The following ZWILCH variants were observed in gnomAD, a reference collection of about 807,000 sequenced individuals.
ZWILCH encodes zwilch kinetochore protein.
In ZWILCH, 74 loss-of-function variants were observed where a neutral mutation model predicts 79.9. The observed-to-expected ratio is 0.93, with a 90% confidence interval of 0.77 to 1.12. ZWILCH has a LOEUF of 1.12. Ranked by LOEUF, ZWILCH falls within the 50% of genes most tolerant of loss-of-function variation. ZWILCH has a pLI of 0.00. For missense variants in ZWILCH, 694 were observed against 687.5 expected, an observed-to-expected ratio of 1.01 and a Z score of -0.11; for synonymous variants, 241 against 228.2, an observed-to-expected ratio of 1.06 and a Z score of -0.51.
At chr15:66,524,697 G>C (rs1894613150) in intron 8 of ZWILCH, among the ~76,000 whole-genome samples, 1 of 152,010 alleles carries the variant, frequency 6.6e-6, no homozygotes, top group Non-Finnish European at 1.5e-5. Context: ...TGAGTGCCTG[G>C]TTCCCTATTG....
At chr15:66,541,869 T>G (rs1289410836) in intron 17 of ZWILCH, among the ~76,000 whole-genome samples, 2 of 152,344 alleles carry the variant, frequency 1.3e-5, no homozygotes, top group South Asian at 2.1e-4. Flanking sequence ...TTTTACTGAT[T>G]AATAACTTGC....
At chr15:66,506,090 A>G (rs1285781055) in intron 1 of ZWILCH, among the ~76,000 whole-genome samples, 1 of 152,228 alleles carries the variant, frequency 6.6e-6, no homozygotes, top group East Asian at 1.9e-4. Flanking sequence ...CCCTCCTGAT[A>G]AATGCTAGGT....
chr15:66,527,483 A>ATCTCAT, intron 9 of ZWILCH, 100 bp downstream of exon 9: 2 of 951,524 alleles, frequency 2.1e-6, no homozygotes, highest in Non-Finnish European at 3.3e-6. Flanking sequence ...AATATATACA[A>ATCTCAT]AGCTATGAGA....
At chr15:66,507,954 A>AG (rs1893891435) in intron 1 of ZWILCH, among the ~76,000 whole-genome samples, 2 of 151,672 alleles carry the variant, frequency 1.3e-5, no homozygotes, top group South Asian at 4.1e-4. Context: ...AAAAAAAAAA[A>AG]AGACTGATTA....
At chr15:66,506,861 C>CT (rs545920806) in intron 1 of ZWILCH, among the ~76,000 whole-genome samples, 2,248 of 140,210 alleles carry the variant, frequency 0.016, 48 homozygotes, top group African/African-American at 0.043. Context: ...TATTTAGACC[C>CT]TTTTTTTTTT....
At chr15:66,544,724 T>TTTTTTTTTTGTGTGTGTGTGTG (rs145952622) in intron 17 of ZWILCH, among the ~76,000 whole-genome samples, 68 of 128,536 alleles carry the variant, frequency 5.3e-4, no homozygotes, top group Admixed American at 4.1e-3. Flanking sequence ...TTTTTGGTTT[T>TTTTTTTTTTGTGTGTGTGTGTG]TGTGTGTGTG....
At chr15:66,533,129 A>G in intron 14 of ZWILCH, 116 bp downstream of exon 14, 1 of 610,754 alleles carries the variant, frequency 1.6e-6, no homozygotes, top group Non-Finnish European at 2.6e-6. Context: ...AAATGGATAA[A>G]TAAGACAGTC....
chr15:66,546,767 G>A, intron 18 of ZWILCH, 62 bp downstream of exon 18: 1 of 835,902 alleles, frequency 1.2e-6, no homozygotes, highest in Non-Finnish European at 1.8e-6. Context: ...CTTACGTTTA[G>A]TTCTTTCTAC....
At chr15:66,545,061 A>G (rs1895327593) in intron 17 of ZWILCH, among the ~76,000 whole-genome samples, 1 of 151,846 alleles carries the variant, frequency 6.6e-6, no homozygotes, top group Non-Finnish European at 1.5e-5. Context: ...GCCATTTTAA[A>G]GTAAATTTTG....
chr15:66,506,949 C>T (rs1268427070), intron 1 of ZWILCH, among the ~76,000 whole-genome samples: 18 of 151,856 alleles, frequency 1.2e-4, no homozygotes, highest in African/African-American at 4.1e-4. Flanking sequence ...CTCTGCCTCC[C>T]GGGCTCAAGC....
intron 2 of ZWILCH, among the ~76,000 whole-genome samples, chr15:66,509,592 A>G (rs981676285): frequency 2.0e-5 from 3 of 151,916 alleles, no homozygotes; most frequent in Admixed American, 6.6e-5. Flanking sequence ...GGTTTTTTCC[A>G]GTTTTTGATG....
In ZWILCH at chr15:66,520,253, T is replaced by A. The variant is rs539853057; in HGVS notation, c.521-337T>A. Among the ~76,000 whole-genome samples, 323 of 151,894 alleles carry A rather than the reference T, an allele frequency of 2.1e-3. 1 individual carries two copies. The highest frequency in any genetic ancestry group is 7.1e-3 in the African/African-American group (292 of 41,402). The stretch of plus-strand genomic sequence containing the variant: ...CTCTCACCGCAGCCTCCCAAATAGC[T>A]GGGACTACAGGCACATGCCACCACA... On this transcript the variant is annotated intron_variant, in intron 5 of 18. Transcript: ENST00000307897.
chr15:66,520,504 T>G, intron 5 of ZWILCH, 86 bp from the exon 6 acceptor site: 3 of 707,832 alleles, frequency 4.2e-6, no homozygotes, highest in Non-Finnish European at 7.5e-6. Flanking sequence ...TGTGGTACAT[T>G]GAGAATGTGA....
intron 17 of ZWILCH, among the ~76,000 whole-genome samples, chr15:66,542,019 A>T (rs1595923319): frequency 6.6e-6 from 1 of 152,330 alleles, no homozygotes; most frequent in East Asian, 1.9e-4. Context: ...AATTTTTCTG[A>T]GAGCCATCAG....
Position 66,540,200 on chromosome 15 carries a change from T to C in ZWILCH, c.1677T>C (p.Phe559=). The change falls in exon 17 of 19, where the codon TTT becomes TTC. Residue 559 remains phenylalanine, a synonymous_variant. Coordinates refer to ENST00000307897, the MANE Select transcript of ZWILCH (RefSeq NM_017975.5). ...GCTCACCCATAGACCATCTGAATTT[T>C]CACAAACCTGGTAAAGATGGTTTAT... is the stretch of plus-strand genomic sequence containing the variant. ...SDSSPIDHLN[F]HKPDFSELTL... 1 of 1,608,856 alleles carries C rather than the reference T, an allele frequency of 6.2e-7. No homozygotes were observed. Among genetic ancestry groups the C allele is most frequent in the Non-Finnish European group, 8.5e-7 (1 of 1,176,514 alleles).
At chr15:66,517,455 T>TAGAGAG (rs1555424270) in intron 4 of ZWILCH, among the ~76,000 whole-genome samples, 24 of 115,114 alleles carry the variant, frequency 2.1e-4, no homozygotes, top group Non-Finnish European at 3.8e-4. Flanking sequence ...TATATATATA[T>TAGAGAG]AGTAATGTAC....
intron 5 of ZWILCH, 63 bp downstream of exon 5, chr15:66,519,141 GT>G: frequency 1.3e-6 from 2 of 1,525,932 alleles, no homozygotes; most frequent in South Asian, 1.1e-5. Context: ...ATTGTTTCAT[GT>G]TTTTTTACGA....
chr15:66,528,974 A>T lies in ZWILCH; in HGVS notation c.1075+17A>T. On this transcript the variant is annotated intron_variant, in intron 11 of 18. Coordinates refer to ENST00000307897, the MANE Select transcript of ZWILCH (RefSeq NM_017975.5). The stretch of plus-strand genomic sequence containing the variant: ...TGAGCAGTAGTAGGTGTCCATCATG[A>T]TTTAAATTTTTCCTCTTATTTCTTA... 6.3e-7 allele frequency: 1 copy of T among 1,598,992 alleles called. No homozygotes were observed. The highest frequency in any genetic ancestry group is 2.2e-5 in the East Asian group (1 of 44,802).
chr15:66,521,731 T>C (rs1894500206), intron 7 of ZWILCH, among the ~76,000 whole-genome samples: 1 of 152,066 alleles, frequency 6.6e-6, no homozygotes, highest in African/African-American at 2.4e-5. Context: ...TGGGCTCAAG[T>C]GATCCTCCCA....
Sources: allele counts gnomAD v4.1 joint callset (sites outside exome capture counted in the v4.1 genomes callset), GRCh38; gene constraint gnomAD v4.1.1; transcripts MANE v1.5; gene names NCBI Gene and HGNC (gene_info 2026-07-23, HGNC 2026-07-21).